Variants in UNC5C observed in about 807,000 individuals in gnomAD.
The protein encoded by UNC5C is unc-5 netrin receptor C.
In UNC5C, 47 loss-of-function variants were observed where a neutral mutation model predicts 99.8. The observed-to-expected ratio is 0.47, with a 90% CI of 0.37 to 0.60. UNC5C has a LOEUF of 0.60. Ranked by LOEUF, UNC5C falls within the 20% of genes least tolerant of loss-of-function variation. UNC5C has a pLI of 0.00. For synonymous variants in UNC5C, 487 were observed against 452.2 expected, an observed-to-expected ratio of 1.08 and a Z score of -0.98; for missense variants, 1,062 against 1,165.9, an observed-to-expected ratio of 0.91 and a Z score of 1.30.
intron 1 of UNC5C, among the ~76,000 whole-genome samples, chr4:95,350,521 A>G (rs1158335925): frequency 1.3e-5 from 2 of 152,002 alleles, no homozygotes. Flanking sequence ...CTTACTCCCT[A>G]TTAATGATTA....
chr4:95,454,850 C>CCAA (rs1747384026), intron 1 of UNC5C, among the ~76,000 whole-genome samples: 1 of 151,944 alleles, frequency 6.6e-6, no homozygotes, highest in Non-Finnish European at 1.5e-5. Flanking sequence ...ATGATTTGAT[C>CCAA]ATATCAGTAT....
At chr4:95,345,761 T>C (rs1287501625) in intron 1 of UNC5C, among the ~76,000 whole-genome samples, 3 of 151,866 alleles carry the variant, frequency 2.0e-5, no homozygotes, top group Non-Finnish European at 4.4e-5. Context: ...AACCAGTGGG[T>C]CAATGAAGAA....
At chr4:95,189,683 T>C (rs1292456897) in intron 12 of UNC5C, among the ~76,000 whole-genome samples, 4 of 152,202 alleles carry the variant, frequency 2.6e-5, no homozygotes, top group Admixed American at 1.3e-4. Context: ...GGGCGAAGGA[T>C]ATGAACAGAC....
chr4:95,185,120 G>A lies in UNC5C; in HGVS notation c.2213C>T (p.Thr738Ile). 6.2e-7 allele frequency: 1 copy of A among 1,614,022 alleles called. No homozygotes were observed. Among genetic ancestry groups the A allele is most frequent in the Non-Finnish European group, 8.5e-7 (1 of 1,180,008 alleles). Residue 738 changes from threonine (T) to isoleucine (I), a missense_variant, in exon 13 of 16, where the codon ACC becomes ATC. This residue lies in a region of UNC5C where 810 missense variants were observed against 854.5 expected (regional missense o/e 0.95). Coordinates refer to ENST00000453304, the MANE Select transcript of UNC5C (RefSeq NM_003728.4). ...EPKALHFKGS[T>I]HNLRLSIHDI... ...GTGAATTGACAGGCGCAGGTTGTGG[G>A]TGCTGCCTTTAAAATGAAGAGCCTT...
intron 1 of UNC5C, among the ~76,000 whole-genome samples, chr4:95,540,662 T>C (rs1722895987): frequency 6.6e-6 from 1 of 152,202 alleles, no homozygotes; most frequent in South Asian, 2.1e-4. Flanking sequence ...GCGGCTACAA[T>C]GTGTATATTT....
chr4:95,260,520 T>C (rs1740180594), intron 4 of UNC5C, among the ~76,000 whole-genome samples: 1 of 152,212 alleles, frequency 6.6e-6, no homozygotes, highest in Non-Finnish European at 1.5e-5. Flanking sequence ...TAGTTGTCCC[T>C]GAGCTCTCTT....
intron 14 of UNC5C, among the ~76,000 whole-genome samples, chr4:95,171,222 T>A (rs1449558509): frequency 6.6e-6 from 1 of 151,792 alleles, no homozygotes; most frequent in African/African-American, 2.4e-5. Context: ...CTATTTTTTT[T>A]TTCTTTTTTA....
chr4:95,162,605 G>A lies in UNC5C; in HGVS notation c.*6629C>T, dbSNP rs1735715960. ...AAATGCAGGCAATTTACAAACCAAG[G>A]GGACTGCAGGGAAAATCAGGATTGG... On this transcript the variant is annotated 3_prime_UTR_variant, in exon 16 of 16. Transcript: ENST00000453304. 6.6e-6 allele frequency: 1 copy of A among 152,102 alleles called. No homozygotes were observed. The highest frequency in any genetic ancestry group is 1.5e-5 in the Non-Finnish European group (1 of 68,036). The allele number at this position is 152,102 out of a possible 1,614,324, so 9.4% of individuals were successfully genotyped here.
At chr4:95,292,160 C>T (rs1234905768) in intron 3 of UNC5C, among the ~76,000 whole-genome samples, 3 of 146,282 alleles carry the variant, frequency 2.1e-5, no homozygotes, top group South Asian at 2.2e-4. Flanking sequence ...TACATGTGAA[C>T]CAATATAATA....
At chr4:95,417,901 C>A (rs1035572008) in intron 1 of UNC5C, among the ~76,000 whole-genome samples, 1 of 152,116 alleles carries the variant, frequency 6.6e-6, no homozygotes, top group African/African-American at 2.4e-5. Flanking sequence ...ATTCATTTTC[C>A]TGTGCTTCCT....
At chr4:95,507,702 C>T (rs190654535) in intron 1 of UNC5C, among the ~76,000 whole-genome samples, 2 of 151,904 alleles carry the variant, frequency 1.3e-5, no homozygotes, top group Non-Finnish European at 2.9e-5. Flanking sequence ...TTATTCCTCT[C>T]GATATAGAGT....
chr4:95,180,450 A>ATCTT (rs1422316912), intron 14 of UNC5C, among the ~76,000 whole-genome samples: 7 of 152,198 alleles, frequency 4.6e-5, no homozygotes, highest in Non-Finnish European at 8.8e-5. Flanking sequence ...ATCTTTTATC[A>ATCTT]TCTTTTACAT....
intron 1 of UNC5C, among the ~76,000 whole-genome samples, chr4:95,436,418 T>C (rs971794581): frequency 1.3e-5 from 2 of 152,038 alleles, no homozygotes; most frequent in Non-Finnish European, 2.9e-5. Flanking sequence ...TCATAATTAC[T>C]AAATTAAAGA....
intron 2 of UNC5C, among the ~76,000 whole-genome samples, chr4:95,303,788 T>C (rs1357047289): frequency 1.3e-5 from 2 of 148,684 alleles, no homozygotes; most frequent in African/African-American, 5.2e-5. Flanking sequence ...ATAAAATAGA[T>C]ATGTGTGTAT....
chr4:95,244,910 C>G, intron 6 of UNC5C, 67 bp downstream of exon 6: 2 of 1,573,494 alleles, frequency 1.3e-6, no homozygotes, highest in Non-Finnish European at 1.7e-6. Flanking sequence ...GTCTGTGTAT[C>G]TATTCTCTAA....
intron 1 of UNC5C, among the ~76,000 whole-genome samples, chr4:95,397,234 T>A (rs1450456940): frequency 6.6e-6 from 1 of 152,212 alleles, no homozygotes; most frequent in Non-Finnish European, 1.5e-5. Context: ...AAAACAAAAA[T>A]GTTTCTGAAA....
At chr4:95,230,482 A>G (rs973332489) in intron 7 of UNC5C, among the ~76,000 whole-genome samples, 1 of 152,084 alleles carries the variant, frequency 6.6e-6, no homozygotes, top group African/African-American at 2.4e-5. Context: ...TTTTGTTGCC[A>G]TTGCTTTTGA....
At chr4:95,219,394 T>G in intron 8 of UNC5C, 81 bp from the exon 9 acceptor site, 1 of 1,391,884 alleles carries the variant, frequency 7.2e-7, no homozygotes, top group Non-Finnish European at 9.9e-7. Flanking sequence ...CCTCACACTT[T>G]CTGAGCCGAA....
At chr4:95,344,487 G>C (rs1030471963) in intron 1 of UNC5C, among the ~76,000 whole-genome samples, 6 of 152,066 alleles carry the variant, frequency 3.9e-5, no homozygotes, top group Middle Eastern at 6.8e-3. Context: ...TGAGCAATAA[G>C]AAATTATCTG....
Sources: allele counts gnomAD v4.1 joint callset (sites outside exome capture counted in the v4.1 genomes callset), GRCh38; gene constraint gnomAD v4.1.1; regional missense constraint gnomAD v4.1.1; transcripts MANE v1.5; gene names NCBI Gene and HGNC (gene_info 2026-07-23, HGNC 2026-07-21).